Variants in ARHGEF3 observed in about 807,000 individuals in gnomAD.
ARHGEF3 encodes the protein 59.8 kDA protein.
In ARHGEF3, 28 loss-of-function variants were observed where a neutral mutation model predicts 63.2. The observed-to-expected ratio is 0.44, with a 90% CI of 0.33 to 0.61. ARHGEF3 has a LOEUF of 0.61. ARHGEF3 is among the 20% of genes least tolerant of loss of function. The pLI, the probability that ARHGEF3 is intolerant of heterozygous loss-of-function variation, is 0.03. For missense variants in ARHGEF3, 533 were observed against 659.3 expected (o/e 0.81, Z 2.10); for synonymous variants, 266 against 254.2 (o/e 1.05, Z -0.44).
At chr3:56,793,264 G>T (rs2037180441) in intron 1 of ARHGEF3, among the ~76,000 whole-genome samples, 1 of 151,554 alleles carries the variant, frequency 6.6e-6, no homozygotes, top group Non-Finnish European at 1.5e-5. Flanking sequence ...CCGCCTCCCG[G>T]GTTCACGCCA....
At chr3:56,765,761 T>C (rs1036970211) in intron 2 of ARHGEF3, among the ~76,000 whole-genome samples, 1 of 152,148 alleles carries the variant, frequency 6.6e-6, no homozygotes, top group Non-Finnish European at 1.5e-5. Flanking sequence ...CTAAACTCTC[T>C]CTGTAGTATA....
chr3:56,959,567 T>C lies in ARHGEF3; in HGVS notation c.63-678A>G, dbSNP rs143176225. 4.7e-4 allele frequency among the ~76,000 whole-genome samples: 72 copies of C among 152,310 alleles called. 1 individual carries two copies. The highest frequency in any genetic ancestry group is 1.6e-3 in the African/African-American group (66 of 41,554). Reference sequence around the variant, plus strand: ...CTTTTTCAATATTTTTATGGATAAATTACTCCCCTAAAACATGTGATGTCT... The same window carrying C: ...CTTTTTCAATATTTTTATGGATAAACTACTCCCCTAAAACATGTGATGTCT... On this transcript the variant is annotated intron_variant, in intron 2 of 12. Transcript: ENST00000338458.
chr3:57,042,651 A>AATAAATATAT (rs1704235616), intron 1 of ARHGEF3, among the ~76,000 whole-genome samples: 1 of 49,262 alleles, frequency 2.0e-5, no homozygotes, highest in African/African-American at 7.4e-5. Context: ...TATGTACATA[A>AATAAATATAT]ATATATATAT....
Position 56,907,561 on chromosome 3 carries a change from T to G in ARHGEF3, c.130-25207A>C, listed in dbSNP as rs181073254. 8.9e-4 allele frequency among the ~76,000 whole-genome samples: 135 copies of G among 152,290 alleles called. 3 individuals carry two copies. The East Asian group carries it at 0.021, about 24-fold the overall frequency. On this transcript the variant is annotated intron_variant, in intron 3 of 12. Coordinates refer to the ARHGEF3 transcript ENST00000338458. ...TAAATCATTCTATCATAATGACACA[T>G]GCACATGTATGTTCGTTGTAGCACT...
intron 7 of ARHGEF3, among the ~76,000 whole-genome samples, chr3:56,739,799 G>A (rs2107712166): frequency 6.6e-6 from 1 of 152,198 alleles, no homozygotes; most frequent in East Asian, 1.9e-4. Context: ...TTCCACACAA[G>A]TTTGACAGAA....
At chr3:57,059,137 A>G (rs1705083811) in intron 1 of ARHGEF3, among the ~76,000 whole-genome samples, 1 of 152,278 alleles carries the variant, frequency 6.6e-6, no homozygotes, top group Non-Finnish European at 1.5e-5. Context: ...AACTTAAAGT[A>G]TAATAATAAT....
intron 2 of ARHGEF3, among the ~76,000 whole-genome samples, chr3:56,969,197 A>C (rs1262069515): frequency 6.6e-6 from 1 of 152,234 alleles, no homozygotes; most frequent in East Asian, 1.9e-4. Flanking sequence ...GTAATATCCC[A>C]AACAAATACA....
chr3:57,025,530 GGTGGGA>G (rs1224220678), intron 2 of ARHGEF3, among the ~76,000 whole-genome samples: 1 of 152,188 alleles, frequency 6.6e-6, no homozygotes, highest in Non-Finnish European at 1.5e-5. Context: ...AGTTGGCCAT[GGTGGGA>G]GTATTTACAG....
intron 3 of ARHGEF3, chr3:56,939,865 T>G (rs137936852): frequency 1.6e-4 from 25 of 152,384 alleles, no homozygotes; most frequent in African/African-American, 6.0e-4. Context: ...CTCCAGTGCC[T>G]CCTTCTCCTT....
chr3:56,787,737 T>C (rs2036894217), intron 1 of ARHGEF3, among the ~76,000 whole-genome samples: 1 of 122,406 alleles, frequency 8.2e-6, no homozygotes, highest in Non-Finnish European at 1.6e-5. Context: ...AATAATAATA[T>C]AATAGCAATA....
At chr3:57,058,070 T>C (rs527642574) in intron 1 of ARHGEF3, among the ~76,000 whole-genome samples, 1 of 152,328 alleles carries the variant, frequency 6.6e-6, no homozygotes, top group African/African-American at 2.4e-5. Flanking sequence ...CATGGCCACA[T>C]TCACCAAAAG....
intron 4 of ARHGEF3, among the ~76,000 whole-genome samples, chr3:56,868,398 AC>A (rs2040328442): frequency 6.8e-6 from 1 of 148,018 alleles, no homozygotes; most frequent in African/African-American, 2.5e-5. Context: ...TCGCTCTGTC[AC>A]CCAGGCTGGA....
chr3:56,893,323 A>C (rs1197560745), intron 3 of ARHGEF3, among the ~76,000 whole-genome samples: 3 of 152,150 alleles, frequency 2.0e-5, no homozygotes, highest in Non-Finnish European at 4.4e-5. Context: ...GATTACAGGC[A>C]TGTGCCACTG....
chr3:56,834,432 T>A (rs2039037606), intron 4 of ARHGEF3, among the ~76,000 whole-genome samples: 1 of 152,116 alleles, frequency 6.6e-6, no homozygotes. Flanking sequence ...TAACGCTATA[T>A]CCCAGTTAAA....
intron 7 of ARHGEF3, among the ~76,000 whole-genome samples, chr3:56,740,811 A>G (rs2033966021): frequency 6.6e-6 from 1 of 152,254 alleles, no homozygotes; most frequent in East Asian, 1.9e-4. Flanking sequence ...GGAATTAATC[A>G]GCGCTTGAGT....
upstream of ARHGEF3, among the ~76,000 whole-genome samples, chr3:56,805,098 A>T (rs940571468): frequency 6.6e-6 from 1 of 152,266 alleles, no homozygotes. Context: ...TACTTACAGC[A>T]CTTGGTGAAG....
At chr3:56,866,143 T>C (rs2040241854) in intron 4 of ARHGEF3, among the ~76,000 whole-genome samples, 1 of 152,140 alleles carries the variant, frequency 6.6e-6, no homozygotes, top group African/African-American at 2.4e-5. Flanking sequence ...CCAGCCTGTG[T>C]GGCAGAGTGA....
chr3:56,977,498 T>G (rs1579007093), intron 2 of ARHGEF3: 2 of 353,992 alleles, frequency 5.6e-6, no homozygotes, highest in South Asian at 4.3e-5. Context: ...ATGCAGCCCT[T>G]GGAGAGACAT....
chr3:56,839,869 AGGT>A (rs905613897), intron 4 of ARHGEF3, among the ~76,000 whole-genome samples: 63 of 152,244 alleles, frequency 4.1e-4, no homozygotes, highest in African/African-American at 1.4e-3. Context: ...TCTGGTCCCT[AGGT>A]CTGCAAAATC....
Sources: gnomAD v4.1 joint callset for allele counts (sites outside exome capture counted in the v4.1 genomes callset) on GRCh38, gnomAD v4.1.1 for gene constraint, MANE v1.5 for transcripts, NCBI Gene and HGNC (gene_info 2026-07-23, HGNC 2026-07-21) for gene names.